Variants in SDHA observed in about 807,000 individuals in gnomAD.
SDHA encodes succinate dehydrogenase [ubiquinone] flavoprotein subunit, mitochondrial.
Under a neutral mutation model 78.4 loss-of-function variants are expected in SDHA, and 48 were observed. That is an observed-to-expected ratio of 0.61 (90% CI 0.49 to 0.78). The LOEUF is 0.78. Among genes scored for constraint, SDHA ranks in the 30% least tolerant of loss-of-function variants. SDHA has a pLI of 0.00. For synonymous variants in SDHA, 326 were observed against 353.9 expected, an observed-to-expected ratio of 0.92 and a Z score of 0.88; for missense variants, 680 against 892.7, an observed-to-expected ratio of 0.76 and a Z score of 3.04.
chr5:222,224 TGAA>T, intron 1 of SDHA, among the ~76,000 whole-genome samples: 1 of 152,212 alleles, frequency 6.6e-6, no homozygotes. Context: ...ATTGGAGAAA[TGAA>T]GAATAATTTT....
At chr5:258,210 A>G (rs1737329104), downstream of SDHA, among the ~76,000 whole-genome samples, 1 of 128,538 alleles carries the variant, frequency 7.8e-6, no homozygotes, top group Non-Finnish European at 1.5e-5. Flanking sequence ...ACCCCCTGCC[A>G]GAGCATTACC....
At chr5:261,453 G>C (rs368214095), downstream of SDHA, among the ~76,000 whole-genome samples, 1,347 of 39,428 alleles carry the variant, frequency 0.034, no homozygotes, top group Non-Finnish European at 0.045. Context: ...TCCGCCTCCC[G>C]GCAGAGCATT....
At position 218,388 on chromosome 5, in the gene SDHA, G is replaced by T. The variant is rs1139423; in HGVS notation, c.33G>T (p.Leu11=). Residue 11 remains leucine (L), a synonymous_variant, in exon 1 of 15, where the codon CTG becomes CTT. Coordinates refer to ENST00000264932, the MANE Select transcript of SDHA (RefSeq NM_004168.4). ...GGGTCCGGGGCCTGTCGCGGCTGCT[G>T]AGCGCTCGGCGCCTGGCGCTGGCCA... MSGVRGLSRL[L]SARRLALAKA... is the part of the protein sequence containing the mutation. 5 of 1,452,844 alleles carry T rather than the reference G, an allele frequency of 3.4e-6. No homozygotes were observed. Among genetic ancestry groups the T allele is most frequent in the Non-Finnish European group, 3.6e-6 (4 of 1,111,738 alleles). The allele number at this position is 1,452,844 out of a possible 1,614,324, so 90.0% of individuals were successfully genotyped here.
chr5:248,976 T>C, intron 11 of SDHA: 1 of 397,464 alleles, frequency 2.5e-6, no homozygotes, highest in Middle Eastern at 8.5e-4. Flanking sequence ...TAATAGCTCT[T>C]AATAAGATCA....
At chr5:251,238 C>T in intron 12 of SDHA, 100 bp from the exon 13 acceptor site, 3 of 1,512,040 alleles carry the variant, frequency 2.0e-6, no homozygotes, top group Non-Finnish European at 2.7e-6. Context: ...TATAAAGCCA[C>T]AACCAGTGAC....
In SDHA at chr5:256,827, TC is replaced by T. The variant is rs200741212; in HGVS notation, c.*408del. ...TATAGTTTCTTTTTTCTTTTTCTTTTCTTTTTTTTTTTTGAGACAGGATCGG... is the reference window on the plus strand; with the variant it reads ...TATAGTTTCTTTTTTCTTTTTCTTTTTTTTTTTTTTTTGAGACAGGATCGG... On this transcript the variant is annotated 3_prime_UTR_variant, in exon 15 of 15. Coordinates refer to ENST00000264932, the MANE Select transcript of SDHA (RefSeq NM_004168.4). The T allele has an allele frequency of 0.046, 10,119 of 220,652 alleles. 48 individuals carry two copies. The highest frequency in any genetic ancestry group is 0.076 in the South Asian group (724 of 9,534). The allele number at this position is 220,652 out of a possible 1,614,324, so 13.7% of individuals were successfully genotyped here. A position where few individuals can be genotyped will look rare whatever the true frequency, so the allele number is the denominator to read the frequency against.
intron 11 of SDHA, among the ~76,000 whole-genome samples, chr5:245,019 G>A (rs981175611): frequency 3.9e-5 from 6 of 152,210 alleles, no homozygotes; most frequent in Non-Finnish European, 7.3e-5. Context: ...CCATTGTTAA[G>A]CTTCCAGAAC....
intron 6 of SDHA, 143 bp from the exon 7 acceptor site, chr5:230,733 G>C: frequency 9.6e-7 from 1 of 1,044,248 alleles, no homozygotes; most frequent in Non-Finnish European, 1.5e-6. Context: ...TGATATGTGT[G>C]GGGTGTGCGT....
chr5:235,873 G>A, intron 9 of SDHA: 1 of 252,816 alleles, frequency 4.0e-6, no homozygotes, highest in South Asian at 4.7e-5. Context: ...ACGGGGGACA[G>A]TCGCAGATGC....
chr5:258,902 AT>A (rs1737382697), downstream of SDHA, among the ~76,000 whole-genome samples: 1 of 48,138 alleles, frequency 2.1e-5, no homozygotes, highest in African/African-American at 1.1e-4. Context: ...CCGCCAGAGC[AT>A]TACCGTGTGA....
intron 6 of SDHA, among the ~76,000 whole-genome samples, chr5:230,017 G>A (rs770781654): frequency 8.8e-5 from 13 of 147,558 alleles, no homozygotes; most frequent in Non-Finnish European, 1.8e-4. Context: ...GGTGGCTAGA[G>A]TTAATATTAT....
At chr5:226,848 G>C (rs1202578351) in intron 5 of SDHA, among the ~76,000 whole-genome samples, 1 of 142,820 alleles carries the variant, frequency 7.0e-6, no homozygotes, top group African/African-American at 2.6e-5. Flanking sequence ...AGAATGGCGT[G>C]AACCCAGGAG....
In SDHA at chr5:235,283, G is replaced by A; in HGVS notation, c.1204G>A (p.Val402Ile). 1 of 1,614,132 alleles carries A rather than the reference G, an allele frequency of 6.2e-7. No homozygotes were observed. Among genetic ancestry groups the A allele is most frequent in the Non-Finnish European group, 8.5e-7 (1 of 1,180,000 alleles). Residue 402 changes from valine (V) to isoleucine (I), a missense_variant, in exon 9 of 15, where the codon GTC becomes ATC. By Grantham distance (29) the Val-to-Ile change is conservative. Transcript: ENST00000264932. ...GVDVTKEPIPVLPTVHYNMGG... is the reference protein window; with the variant it reads ...GVDVTKEPIPILPTVHYNMGG... ...GGACGTCACGAAGGAGCCGATCCCT[G>A]TCCTCCCCACCGTGCATTATAACAT...
At position 240,591 on chromosome 5, in the gene SDHA, G is replaced by A. The variant is rs1051071136; in HGVS notation, c.1551+115G>A. 1.1e-4 allele frequency: 85 copies of A among 748,740 alleles called. No individual in the cohort carries two copies. The African/African-American group carries it at 1.3e-3, about 12-fold the overall frequency. The allele number at this position is 748,740 out of a possible 1,614,324, so 46.4% of individuals were successfully genotyped here. ...GATGCAGGTGCAGTTTTGTGTGGAT[G>A]TACTGGGAGGTGGTGGAGTCTGGGC... is the stretch of plus-strand genomic sequence containing the variant. On this transcript the variant is annotated intron_variant, in intron 11 of 14. Transcript: ENST00000264932.
In SDHA at chr5:223,554, A is replaced by G. The variant is rs144599870; in HGVS notation, c.136A>G (p.Lys46Glu). 2.5e-4 allele frequency: 404 copies of G among 1,613,182 alleles called. No homozygotes were observed. The African/African-American group carries it at 4.9e-3, about 20-fold the overall frequency. ...TGATGGGAACAAGAGGGCATCTGCT[A>G]AAGTTTCAGATTCCGTAAGTTCATG... ...TVDGNKRASA[K>E]VSDSISAQYP... The change falls in exon 2 of 15, where the codon AAA becomes GAA. Residue 46 changes from lysine (K) to glutamate (E), a missense_variant. Physicochemically the swap from Lys to Glu is moderately conservative, Grantham distance 56. Transcript: ENST00000264932.
intron 11 of SDHA, among the ~76,000 whole-genome samples, chr5:247,990 G>A (rs1426329327): frequency 8.2e-5 from 11 of 134,572 alleles, no homozygotes; most frequent in Non-Finnish European, 1.5e-4. Context: ...CAATTGAATC[G>A]CATTATTTAA....
rs555028212 is a variant in SDHA at position 251,447 on chromosome 5, G to A, written c.1773G>A (p.Ala591=). 2.4e-5 allele frequency: 39 copies of A among 1,613,866 alleles called. No homozygotes were observed. Among genetic ancestry groups the A allele is most frequent in the South Asian group, 1.8e-4 (16 of 91,078 alleles). Residue 591 remains alanine (A), a synonymous_variant, in exon 13 of 15, where the codon GCG becomes GCA. Transcript: ENST00000264932. ...AGGCACGGAAGGAGTCACGGGGCGC[G>A]CATGCCAGGGAAGACTACAAGGTGG... is the stretch of plus-strand genomic sequence containing the variant. ...GAEARKESRG[A]HAREDYKVRI...
intron 3 of SDHA, among the ~76,000 whole-genome samples, chr5:225,116 T>A (rs1039273036): frequency 7.2e-5 from 11 of 152,298 alleles, no homozygotes; most frequent in African/African-American, 2.6e-4. Flanking sequence ...TAGGTTAGGT[T>A]ATAAGCATAT....
intron 11 of SDHA, among the ~76,000 whole-genome samples, chr5:247,989 C>T (rs548444678): frequency 3.0e-5 from 4 of 134,892 alleles, no homozygotes; most frequent in East Asian, 3.9e-4. Context: ...GCAATTGAAT[C>T]GCATTATTTA....
Sources: allele counts gnomAD v4.1 joint callset (sites outside exome capture counted in the v4.1 genomes callset), GRCh38; gene constraint gnomAD v4.1.1; transcripts MANE v1.5; gene names NCBI Gene and HGNC (gene_info 2026-07-23, HGNC 2026-07-21).